Variants in REN observed in about 807,000 individuals in gnomAD.
REN encodes the protein angiotensin-forming enzyme.
REN carries 42 observed loss-of-function variants against 48.6 expected under a neutral mutation model. That is an observed-to-expected ratio of 0.86 (90% CI 0.68 to 1.12). The LOEUF is 1.12. Among genes scored for constraint, REN ranks in the 50% most tolerant of loss-of-function variants. The probability of loss-of-function intolerance (pLI) is 0.00; values close to 1 mark genes in which losing one functional copy is unlikely to be tolerated. For missense variants in REN, 443 were observed against 527.3 expected, an observed-to-expected ratio of 0.84 and a Z score of 1.57; for synonymous variants, 196 against 204.6, an observed-to-expected ratio of 0.96 and a Z score of 0.36.
chr1:204,161,277 G>C lies in REN; in HGVS notation c.373+15C>G. The C allele has an allele frequency of 1.9e-6, 3 of 1,586,830 alleles. No individual in the cohort carries two copies. The highest frequency in any genetic ancestry group is 2.6e-6 in the Non-Finnish European group (3 of 1,164,996). ...AGGGGGATGGAGGAGAGGCACTGTG[G>C]GTCTTAGGTCTCACCACAGGCAGTG... is the stretch of plus-strand genomic sequence containing the variant. On this transcript the variant is annotated intron_variant, in intron 3 of 9. Coordinates refer to ENST00000272190, the MANE Select transcript of REN (RefSeq NM_000537.4).
At chr1:204,158,411 CTTTTTTTT>C (rs576572389) in intron 5 of REN, among the ~76,000 whole-genome samples, 2 of 97,222 alleles carry the variant, frequency 2.1e-5, no homozygotes, top group African/African-American at 9.3e-5. Flanking sequence ...ACCCTTGTGA[CTTTTTTTT>C]TTTTTTTTTT....
rs773644308 is a variant in REN at position 204,156,112 on chromosome 1, G to A, written c.960+66C>T. On this transcript the variant is annotated intron_variant, in intron 8 of 9. Transcript: ENST00000272190. The surrounding 1 kb of genome is among the most constrained non-coding windows in gnomAD (Gnocchi z 4.2). Reference sequence around the variant, plus strand: ...CTGAGATGGCCTCATTTGCCTGGGGGATTTGTGAGCCGATACCAGGTGGCG... The same window carrying A: ...CTGAGATGGCCTCATTTGCCTGGGGAATTTGTGAGCCGATACCAGGTGGCG... The A allele has an allele frequency of 1.3e-5, 21 of 1,608,084 alleles. No individual in the cohort carries two copies. The highest frequency in any genetic ancestry group is 5.5e-5 in the South Asian group (5 of 90,806).
intron 1 of REN, among the ~76,000 whole-genome samples, chr1:204,163,934 C>G (rs922599625): frequency 9.2e-5 from 14 of 152,180 alleles, no homozygotes; most frequent in African/African-American, 3.4e-4. Flanking sequence ...AACCATGCGA[C>G]CACTGCTCAA....
At chr1:204,165,205 G>A (rs979852980) in intron 1 of REN, among the ~76,000 whole-genome samples, 1 of 152,036 alleles carries the variant, frequency 6.6e-6, no homozygotes, top group Non-Finnish European at 1.5e-5. Flanking sequence ...TCCTGACCTC[G>A]GGTGATCTGC....
In REN at chr1:204,161,951, A is replaced by G. The variant is rs1452050230; in HGVS notation, c.249+62T>C. 4 of 1,593,798 alleles carry G rather than the reference A, an allele frequency of 2.5e-6. No homozygotes were observed. The African/African-American group carries it at 5.4e-5, about 21-fold the overall frequency. On this transcript the variant is annotated intron_variant, in intron 2 of 9. Transcript: ENST00000272190. Reference sequence around the variant, plus strand: ...AAAGGGTGAGTCTTGCAGCAAAGAAAGCCCTAGGTCCATGAGGGAAAGGAG... The same window carrying G: ...AAAGGGTGAGTCTTGCAGCAAAGAAGGCCCTAGGTCCATGAGGGAAAGGAG...
rs776515654 is a variant in REN, at chr1:204,159,572, CTG to C, written c.514_515del (p.Gln172AspfsTer19). The stretch of plus-strand genomic sequence containing the variant: ...GCATCTCCGTGACCTCTCCAAACAT[CTG>C]TGTCACCGTGATTCCACCCACCTGT... ...IITVGGITVT[Q>X]MFGEVTEMPA... On this transcript the variant is annotated frameshift_variant, in exon 5 of 10. Coordinates refer to ENST00000272190, the MANE Select transcript of REN (RefSeq NM_000537.4). LOFTEE classifies it high-confidence loss of function. 3.7e-6 allele frequency: 6 copies of C among 1,614,186 alleles called. No individual in the cohort carries two copies. The South Asian group carries it at 6.6e-5, about 18-fold the overall frequency.
intron 3 of REN, 104 bp downstream of exon 3, chr1:204,161,188 C>A: frequency 7.5e-7 from 1 of 1,328,102 alleles, no homozygotes; most frequent in South Asian, 1.7e-5. Flanking sequence ...GAGGAAGCCA[C>A]TCCCTTGGTG....
At chr1:204,159,740 C>G in intron 4 of REN, 145 bp from the exon 5 acceptor site, 2 of 709,904 alleles carry the variant, frequency 2.8e-6, no homozygotes, top group Non-Finnish European at 5.0e-6. Context: ...CAACCCTGCA[C>G]GCACACACTC....
intron 4 of REN, among the ~76,000 whole-genome samples, chr1:204,160,056 C>G (rs1304587439): frequency 6.6e-6 from 1 of 152,178 alleles, no homozygotes; most frequent in Non-Finnish European, 1.5e-5. Context: ...CACGTGTGCC[C>G]CTCCCCTAAC....
At chr1:204,164,549 C>T (rs1246845874) in intron 1 of REN, among the ~76,000 whole-genome samples, 1 of 148,508 alleles carries the variant, frequency 6.7e-6, no homozygotes, top group African/African-American at 2.5e-5. Context: ...AATGCTGTCT[C>T]TTCCCCTTCT....
chr1:204,155,277 T>G (rs1658128701), intron 9 of REN, 100 bp from the exon 10 acceptor site: 1 of 1,380,278 alleles, frequency 7.2e-7, no homozygotes, highest in Non-Finnish European at 1.0e-6. Context: ...ATTCCCCCTC[T>G]CGCCCCCATC....
intron 1 of REN, among the ~76,000 whole-genome samples, chr1:204,164,695 C>G (rs185515286): frequency 6.6e-6 from 1 of 151,424 alleles, no homozygotes; most frequent in Non-Finnish European, 1.5e-5. Flanking sequence ...CTCAGCCTCC[C>G]GAGTAGCTGG....
intron 4 of REN, 46 bp from the exon 5 acceptor site, chr1:204,159,641 T>TTGGTTGGA (rs761765835): frequency 6.4e-7 from 1 of 1,572,144 alleles, no homozygotes; most frequent in East Asian, 2.2e-5. Flanking sequence ...TGCCCACTCC[T>TTGGTTGGA]TGGTTGGAGT....
intron 4 of REN, among the ~76,000 whole-genome samples, chr1:204,159,939 C>T (rs781621879): frequency 6.6e-6 from 1 of 152,114 alleles, no homozygotes; most frequent in African/African-American, 2.4e-5. Flanking sequence ...TTATCATGGG[C>T]GAAGGGTTTC....
At position 204,156,664 on chromosome 1, in the gene REN, G is replaced by C. The variant is rs1018956690; in HGVS notation, c.818+13C>G. The C allele has an allele frequency of 6.3e-7, 1 of 1,593,208 alleles. No homozygotes were observed. The highest frequency in any genetic ancestry group is 1.3e-5 in the African/African-American group (1 of 74,362). On this transcript the variant is annotated intron_variant, in intron 7 of 9. Transcript: ENST00000272190. This position sits in a 1 kb window ranked among gnomAD's most constrained non-coding sequence, Gnocchi z 4.2. ...CATTTTTTGGAGCCCGGGGAGGGTT[G>C]AGGATTTCTGACCCCTTCATTTGAA... is the stretch of plus-strand genomic sequence containing the variant.
intron 4 of REN, 142 bp from the exon 5 acceptor site, chr1:204,159,737 G>T: frequency 1.4e-6 from 1 of 716,134 alleles, no homozygotes; most frequent in Middle Eastern, 3.6e-4. Context: ...CCTCAACCCT[G>T]CACGCACACA....
chr1:204,163,012 G>A (rs1026906463), intron 1 of REN, among the ~76,000 whole-genome samples: 21 of 152,220 alleles, frequency 1.4e-4, no homozygotes, highest in African/African-American at 4.8e-4. Context: ...ACTCAGAAAT[G>A]TTGAAGCAGG....
chr1:204,159,683 G>A (rs765047037), intron 4 of REN, 88 bp from the exon 5 acceptor site: 18 of 1,099,412 alleles, frequency 1.6e-5, no homozygotes, highest in Non-Finnish European at 2.5e-5. Context: ...GGGATCCCAG[G>A]GGCACACATG....
intron 1 of REN, among the ~76,000 whole-genome samples, chr1:204,165,046 A>T (rs1571651079): frequency 2.0e-5 from 3 of 150,912 alleles, no homozygotes; most frequent in South Asian, 4.2e-4. Flanking sequence ...ATGTCGGCTC[A>T]CTGCAACCTC....
Sources: gnomAD v4.1 joint callset for allele counts (sites outside exome capture counted in the v4.1 genomes callset) on GRCh38, gnomAD v4.1.1 for gene constraint, Gnocchi (gnomAD v3.1) non-coding constraint, MANE v1.5 for transcripts, NCBI Gene and HGNC (gene_info 2026-07-23, HGNC 2026-07-21) for gene names.